Variants in KCNIP4 observed in about 807,000 individuals in gnomAD.
KCNIP4 encodes potassium voltage-gated channel interacting protein 4, also known as Kv channel-interacting protein 4.
KCNIP4 carries 12 observed loss-of-function variants against 34.0 expected under a neutral mutation model. The observed-to-expected ratio is 0.35, with a 90% CI of 0.23 to 0.57. The LOEUF is 0.57. Among genes scored for constraint, KCNIP4 ranks in the 20% least tolerant of loss-of-function variants. KCNIP4 has a pLI of 0.83. For synonymous variants in KCNIP4, 124 were observed against 102.2 expected (o/e 1.21, Z -1.29); for missense variants, 238 against 311.7 (o/e 0.76, Z 1.78).
intron 1 of KCNIP4, among the ~76,000 whole-genome samples, chr4:21,258,076 A>T (rs1025571485): frequency 1.3e-5 from 2 of 152,070 alleles, no homozygotes; most frequent in Admixed American, 1.3e-4. Flanking sequence ...GCAGAACTTT[A>T]AAAAAAATTA....
chr4:21,439,156 T>C (rs1364720989), intron 1 of KCNIP4, among the ~76,000 whole-genome samples: 8 of 130,550 alleles, frequency 6.1e-5, no homozygotes, highest in African/African-American at 8.6e-5. Context: ...AGCAATAATC[T>C]GTCTCAAAAA....
At chr4:21,244,193 G>A (rs1343087459) in intron 1 of KCNIP4, among the ~76,000 whole-genome samples, 1 of 152,120 alleles carries the variant, frequency 6.6e-6, no homozygotes, top group African/African-American at 2.4e-5. Context: ...TTTGATACCT[G>A]TATAAAATGT....
intron 1 of KCNIP4, among the ~76,000 whole-genome samples, chr4:21,149,657 C>G (rs1292605172): frequency 6.6e-6 from 1 of 152,024 alleles, no homozygotes; most frequent in African/African-American, 2.4e-5. Context: ...AGTAATTAGT[C>G]CCAGAATCCC....
At chr4:20,758,706 A>T in intron 4 of KCNIP4, 115 bp downstream of exon 4, 2 of 798,038 alleles carry the variant, frequency 2.5e-6, no homozygotes, top group Non-Finnish European at 4.2e-6. Flanking sequence ...GCTGTGCATT[A>T]ATTCTTTTAC....
intron 1 of KCNIP4, among the ~76,000 whole-genome samples, chr4:21,581,063 T>C (rs1467980256): frequency 6.6e-6 from 1 of 152,070 alleles, no homozygotes; most frequent in Non-Finnish European, 1.5e-5. Context: ...CTCCACTTGA[T>C]GACATTAAGT....
At chr4:20,768,221 T>C (rs147552482) in intron 3 of KCNIP4, among the ~76,000 whole-genome samples, 148 of 152,296 alleles carry the variant, frequency 9.7e-4, no homozygotes, top group African/African-American at 3.2e-3. Flanking sequence ...AAATCTTCAG[T>C]CAGTTCTTAG....
At chr4:21,835,847 C>G (rs117754597) in intron 1 of KCNIP4, among the ~76,000 whole-genome samples, 1 of 152,058 alleles carries the variant, frequency 6.6e-6, no homozygotes, top group Admixed American at 6.6e-5. Flanking sequence ...CAGTTTAACA[C>G]TGAAAATGAA....
intron 1 of KCNIP4, among the ~76,000 whole-genome samples, chr4:21,218,461 A>T (rs138062552): frequency 6.6e-6 from 1 of 152,284 alleles, no homozygotes; most frequent in East Asian, 1.9e-4. Flanking sequence ...CTGTATTTAT[A>T]GATTCTAGAT....
chr4:21,090,697 A>C (rs55885656), intron 1 of KCNIP4, among the ~76,000 whole-genome samples: 25,606 of 152,008 alleles, frequency 0.17, 2,238 homozygotes, highest in East Asian at 0.24. Context: ...CTTTGAAAAA[A>C]CTCAGAAAAT....
chr4:21,053,012 C>CACACACACACACAT (rs900295511), intron 1 of KCNIP4, among the ~76,000 whole-genome samples: 1 of 150,472 alleles, frequency 6.6e-6, no homozygotes, highest in African/African-American at 2.4e-5. Flanking sequence ...GATATGTATA[C>CACACACACACACAT]ACACACACAC....
chr4:21,582,086 T>TAGAAC (rs1741274386), intron 1 of KCNIP4: 2 of 150,886 alleles, frequency 1.3e-5, no homozygotes, highest in Admixed American at 1.3e-4. Flanking sequence ...TGGAATGGAA[T>TAGAAC]GGGATGGGAT....
At chr4:21,348,890 A>G (rs1036841624) in intron 1 of KCNIP4, among the ~76,000 whole-genome samples, 4 of 152,144 alleles carry the variant, frequency 2.6e-5, no homozygotes, top group African/African-American at 9.7e-5. Context: ...GAAGGTCTCC[A>G]AGGTAGAGAG....
At chr4:21,937,094 A>G (rs1415773262) in intron 1 of KCNIP4, among the ~76,000 whole-genome samples, 2 of 151,970 alleles carry the variant, frequency 1.3e-5, no homozygotes, top group African/African-American at 4.8e-5. Flanking sequence ...TCATCTCTCT[A>G]TTCCTAATAC....
At chr4:21,599,164 A>G (rs56155919) in intron 1 of KCNIP4, among the ~76,000 whole-genome samples, 4,462 of 152,164 alleles carry the variant, frequency 0.029, 74 homozygotes, top group South Asian at 0.073. Context: ...ACTGCCTCCT[A>G]TGTTCTGCTT....
At chr4:21,631,831 C>A (rs1400825937) in intron 1 of KCNIP4, among the ~76,000 whole-genome samples, 13 of 152,162 alleles carry the variant, frequency 8.5e-5, no homozygotes, top group African/African-American at 3.1e-4. Flanking sequence ...TCCTCTGACT[C>A]CATTTTCCTT....
chr4:21,242,309 TA>T (rs1174352252), intron 1 of KCNIP4, among the ~76,000 whole-genome samples: 1 of 152,040 alleles, frequency 6.6e-6, no homozygotes, highest in African/African-American at 2.4e-5. Flanking sequence ...AAGCCTACAT[TA>T]AAAAAAGAAA....
At chr4:20,764,523 G>A (rs919811948) in intron 3 of KCNIP4, among the ~76,000 whole-genome samples, 3 of 151,914 alleles carry the variant, frequency 2.0e-5, no homozygotes, top group African/African-American at 4.8e-5. Context: ...ATCCCAGAAG[G>A]AGAATCGTAA....
rs191838631 is a variant in KCNIP4, at chr4:21,866,872, C to T, written c.61+81699G>A. 2.6e-3 allele frequency among the ~76,000 whole-genome samples: 377 copies of T among 147,818 alleles called. 1 individual carries two copies. The highest frequency in any genetic ancestry group is 4.6e-3 in the Non-Finnish European group (309 of 67,304). On this transcript the variant is annotated intron_variant, in intron 1 of 8. Transcript: ENST00000382152. Reference sequence around the variant, plus strand: ...CTGCAAGCTCCGCCTCCCAGGTTCACGCCATTCTCCTGCCTCAGCCTCCCC... The same window carrying T: ...CTGCAAGCTCCGCCTCCCAGGTTCATGCCATTCTCCTGCCTCAGCCTCCCC...
chr4:21,532,171 T>C (rs1443504803), intron 1 of KCNIP4, among the ~76,000 whole-genome samples: 2 of 152,120 alleles, frequency 1.3e-5, no homozygotes, highest in Non-Finnish European at 2.9e-5. Flanking sequence ...TGCAGAGATA[T>C]AATGAGATAG....
Sources: gnomAD v4.1 joint callset for allele counts (sites outside exome capture counted in the v4.1 genomes callset) on GRCh38, gnomAD v4.1.1 for gene constraint, MANE v1.5 for transcripts, NCBI Gene and HGNC (gene_info 2026-07-23, HGNC 2026-07-21) for gene names.